The following FSTL5 variants were observed in gnomAD, a reference collection of about 807,000 sequenced individuals.
FSTL5 encodes follistatin-related protein 5.
Under a neutral mutation model 89.1 loss-of-function variants are expected in FSTL5, and 62 were observed. The observed-to-expected ratio is 0.70, with a 90% CI of 0.57 to 0.86. The LOEUF (loss-of-function observed/expected upper bound fraction) is 0.86, where lower values mean the gene tolerates loss of function less well. FSTL5 is among the 40% of genes least tolerant of loss of function. FSTL5 has a pLI of 0.00. For missense variants in FSTL5, 1,057 were observed against 1,001.6 expected (o/e 1.06, Z -0.75); for synonymous variants, 383 against 346.2 (o/e 1.11, Z -1.18).
intron 6 of FSTL5, among the ~76,000 whole-genome samples, chr4:161,728,599 T>G (rs1717390375): frequency 6.6e-6 from 1 of 152,096 alleles, no homozygotes; most frequent in Non-Finnish European, 1.5e-5. Context: ...CATATATATA[T>G]GATGACAAAG....
chr4:161,765,726 A>G (rs1248818605), intron 5 of FSTL5, among the ~76,000 whole-genome samples: 1 of 152,188 alleles, frequency 6.6e-6, no homozygotes, highest in Non-Finnish European at 1.5e-5. Flanking sequence ...CCTGTGAATA[A>G]GTAGTTCTTT....
intron 8 of FSTL5, among the ~76,000 whole-genome samples, chr4:161,583,755 A>C (rs1472921668): frequency 1.3e-5 from 2 of 152,200 alleles, no homozygotes; most frequent in Non-Finnish European, 2.9e-5. Flanking sequence ...ACCTAACTAG[A>C]AACATTTTTT....
rs911756981 is a variant in FSTL5 at position 161,598,688 on chromosome 4, G to A, written c.895-11113C>T. On this transcript the variant is annotated intron_variant, in intron 7 of 15. Transcript: ENST00000306100. ...CGATACCTAGATAGCCATGTCACATGTATGATATGTGACAGACATAGCATG... is the reference window on the plus strand; with the variant it reads ...CGATACCTAGATAGCCATGTCACATATATGATATGTGACAGACATAGCATG... Among the ~76,000 whole-genome samples the A allele has an allele frequency of 1.2e-4, 19 of 152,086 alleles. 1 individual carries two copies. The highest frequency in any genetic ancestry group is 6.2e-4 in the South Asian group (3 of 4,824).
intron 3 of FSTL5, among the ~76,000 whole-genome samples, chr4:161,991,025 T>G (rs1736096161): frequency 6.6e-6 from 1 of 152,094 alleles, no homozygotes; most frequent in South Asian, 2.1e-4. Flanking sequence ...TTAAAAAAAA[T>G]TCTCTAGATA....
chr4:162,013,982 T>C (rs1193237441), intron 3 of FSTL5, among the ~76,000 whole-genome samples: 1 of 152,084 alleles, frequency 6.6e-6, no homozygotes, highest in African/African-American at 2.4e-5. Context: ...ATGCACTGTA[T>C]GAGGGCAGCC....
intron 6 of FSTL5, among the ~76,000 whole-genome samples, chr4:161,709,632 T>C (rs972976764): frequency 6.6e-6 from 1 of 152,056 alleles, no homozygotes; most frequent in Non-Finnish European, 1.5e-5. Context: ...GACACATCTC[T>C]ACAAAAACAA....
intron 6 of FSTL5, among the ~76,000 whole-genome samples, chr4:161,747,998 A>C (rs1299205717): frequency 2.0e-5 from 3 of 152,174 alleles, no homozygotes; most frequent in Non-Finnish European, 4.4e-5. Flanking sequence ...GGATAGAGGT[A>C]GATTATAAAT....
At chr4:162,123,161 T>C (rs1731935799) in intron 1 of FSTL5, among the ~76,000 whole-genome samples, 1 of 152,170 alleles carries the variant, frequency 6.6e-6, no homozygotes, top group African/African-American at 2.4e-5. Context: ...TCTTTAAATC[T>C]GGACCTACAT....
chr4:161,753,025 C>T (rs554997143), intron 6 of FSTL5, among the ~76,000 whole-genome samples: 1 of 152,094 alleles, frequency 6.6e-6, no homozygotes, highest in Non-Finnish European at 1.5e-5. Context: ...ATTGTTGAAG[C>T]CACCTGTCTA....
chr4:161,559,931 T>C lies in FSTL5; in HGVS notation c.1016-17238A>G, dbSNP rs1430015777. 3.9e-5 allele frequency among the ~76,000 whole-genome samples: 6 copies of C among 152,032 alleles called. No individual in the cohort carries two copies. The East Asian group carries it at 1.2e-3, about 30-fold the overall frequency. On this transcript the variant is annotated intron_variant, in intron 8 of 15. Coordinates refer to ENST00000306100, the MANE Select transcript of FSTL5 (RefSeq NM_020116.5). Reference sequence around the variant, plus strand: ...TGCAGTATCTTACTGTACTGAATACTGCAGGCCAAGCTTGTCCAACCTGTA... The same window carrying C: ...TGCAGTATCTTACTGTACTGAATACCGCAGGCCAAGCTTGTCCAACCTGTA...
chr4:161,719,089 A>G (rs901213379), intron 6 of FSTL5, among the ~76,000 whole-genome samples: 27 of 152,200 alleles, frequency 1.8e-4, no homozygotes, highest in African/African-American at 6.0e-4. Context: ...AAAATTCTGA[A>G]ATTTTAAATC....
At chr4:162,102,490 G>A (rs1731033637) in intron 2 of FSTL5, among the ~76,000 whole-genome samples, 1 of 149,460 alleles carries the variant, frequency 6.7e-6, no homozygotes, top group Non-Finnish European at 1.5e-5. Flanking sequence ...CACATATGAT[G>A]TTTTCTACCA....
Position 161,779,759 on chromosome 4 carries a change from T to TTATA in FSTL5, c.410-3689_410-3686dup, listed in dbSNP as rs1240577419. Among the ~76,000 whole-genome samples, 95 of 31,126 alleles carry TTATA rather than the reference T, an allele frequency of 3.1e-3. 17 individuals are homozygous for TTATA. Among genetic ancestry groups the TTATA allele is most frequent in the Admixed American group, 4.2e-3 (9 of 2,130 alleles). The allele number at this position is 31,126 out of a possible 152,430, so 20.4% of individuals were successfully genotyped here. A position where few individuals can be genotyped will look rare whatever the true frequency, so the allele number is the denominator to read the frequency against. ...ATTTGTCCAAGGATTATTTGTAAAG[T>TTATA]TATATATATATATATGTATATATAT... is the stretch of plus-strand genomic sequence containing the variant. On this transcript the variant is annotated intron_variant, in intron 4 of 15. Transcript: ENST00000306100.
intron 13 of FSTL5, among the ~76,000 whole-genome samples, chr4:161,464,974 T>C (rs1054605035): frequency 6.6e-6 from 1 of 152,128 alleles, no homozygotes; most frequent in Non-Finnish European, 1.5e-5. Context: ...AACAATCTTT[T>C]TGTTGAAGTA....
At chr4:161,825,768 T>C (rs1299809451) in intron 4 of FSTL5, among the ~76,000 whole-genome samples, 1 of 152,146 alleles carries the variant, frequency 6.6e-6, no homozygotes, top group Non-Finnish European at 1.5e-5. Flanking sequence ...CTTATTTGGA[T>C]CTTCTCTCTT....
intron 1 of FSTL5, among the ~76,000 whole-genome samples, chr4:162,150,851 G>A (rs1019035146): frequency 4.5e-4 from 69 of 152,146 alleles, no homozygotes; most frequent in African/African-American, 8.2e-4. Context: ...TCAAATATAC[G>A]TTTCAAAAGT....
intron 15 of FSTL5, among the ~76,000 whole-genome samples, chr4:161,433,141 G>T (rs1373289284): frequency 2.7e-5 from 4 of 149,510 alleles, no homozygotes; most frequent in Non-Finnish European, 5.9e-5. Flanking sequence ...AACTATAGGT[G>T]AATATCCCTG....
intron 6 of FSTL5, among the ~76,000 whole-genome samples, chr4:161,744,017 A>G (rs1004437302): frequency 1.3e-5 from 2 of 152,204 alleles, no homozygotes; most frequent in African/African-American, 4.8e-5. Flanking sequence ...GTTCAGAAAC[A>G]TTTAATCAGT....
intron 4 of FSTL5, among the ~76,000 whole-genome samples, chr4:161,887,495 C>A (rs1414513462): frequency 6.6e-6 from 1 of 151,952 alleles, no homozygotes; most frequent in Non-Finnish European, 1.5e-5. Flanking sequence ...TCTATCATCT[C>A]TCATATTTAT....
Sources: allele counts gnomAD v4.1 joint callset (sites outside exome capture counted in the v4.1 genomes callset), GRCh38; gene constraint gnomAD v4.1.1; transcripts MANE v1.5; gene names NCBI Gene and HGNC (gene_info 2026-07-23, HGNC 2026-07-21).